HERC4: variants seen among roughly 807,000 people sequenced by gnomAD.
The protein encoded by HERC4 is HECT and RLD domain containing E3 ubiquitin protein ligase 4.
In HERC4, 28 loss-of-function variants were observed where a neutral mutation model predicts 124.3. The observed-to-expected ratio is 0.23, with a 90% CI of 0.17 to 0.31. The LOEUF (loss-of-function observed/expected upper bound fraction) is 0.31. Among genes scored for constraint, HERC4 ranks in the 10% least tolerant of loss-of-function variants. The pLI, the probability that HERC4 is intolerant of heterozygous loss-of-function variation, is 1.00. For synonymous variants in HERC4, 407 were observed against 421.5 expected, an observed-to-expected ratio of 0.97 and a Z score of 0.42; for missense variants, 713 against 1,229.3, an observed-to-expected ratio of 0.58 and a Z score of 6.28.
At chr10:67,992,348 A>G (rs954193537) in intron 10 of HERC4, 25 bp from the exon 11 acceptor site, 2 of 1,609,270 alleles carry the variant, frequency 1.2e-6, no homozygotes, top group African/African-American at 2.7e-5. Context: ...AAGATTAGTC[A>G]GAGGGAAGAG....
At chr10:67,962,896 C>T (rs1288927336) in intron 16 of HERC4, among the ~76,000 whole-genome samples, 1 of 152,174 alleles carries the variant, frequency 6.6e-6, no homozygotes, top group African/African-American at 2.4e-5. Context: ...ACAATAATCA[C>T]CATTTTATAA....
intron 3 of HERC4, among the ~76,000 whole-genome samples, chr10:68,059,905 T>TA (rs199788798): frequency 0.14 from 6,573 of 46,222 alleles, 1,887 homozygotes; most frequent in African/African-American, 0.42. Flanking sequence ...TTATATATTA[T>TA]ATAATATTAT....
At chr10:67,925,389 A>T (rs2131949295) in intron 23 of HERC4, among the ~76,000 whole-genome samples, 2 of 152,326 alleles carry the variant, frequency 1.3e-5, no homozygotes, top group Middle Eastern at 3.4e-3. Flanking sequence ...CTTTCCTAGC[A>T]CTTCAAAGAA....
At chr10:67,928,970 G>T (rs1331363833) in intron 23 of HERC4, among the ~76,000 whole-genome samples, 1 of 151,652 alleles carries the variant, frequency 6.6e-6, no homozygotes, top group Non-Finnish European at 1.5e-5. Flanking sequence ...TGGAGGCTTA[G>T]AATTCAATTT....
intron 14 of HERC4, 33 bp from the exon 15 acceptor site, chr10:67,988,868 G>C: frequency 6.5e-7 from 1 of 1,530,626 alleles, no homozygotes; most frequent in Non-Finnish European, 8.9e-7. Context: ...CAAATAAAAT[G>C]AATTTTTTAA....
At chr10:67,925,361 G>T (rs564778065) in intron 23 of HERC4, among the ~76,000 whole-genome samples, 174 bp from the exon 24 acceptor site, 6 of 152,098 alleles carry the variant, frequency 3.9e-5, no homozygotes, top group Non-Finnish European at 5.9e-5. Flanking sequence ...GAAGAAATAC[G>T]TAAGAATCAC....
At chr10:68,028,758 T>A (rs1283790525) in intron 7 of HERC4, among the ~76,000 whole-genome samples, 1 of 152,212 alleles carries the variant, frequency 6.6e-6, no homozygotes, top group Non-Finnish European at 1.5e-5. Context: ...TCCTATAGTT[T>A]TAGATCTATC....
intron 23 of HERC4, among the ~76,000 whole-genome samples, chr10:67,931,929 T>G (rs1282965004): frequency 1.3e-5 from 2 of 152,126 alleles, no homozygotes; most frequent in East Asian, 3.9e-4. Flanking sequence ...TCTGGCTAAT[T>G]TTTAAAATTA....
chr10:68,050,056 A>G (rs2040219064), intron 3 of HERC4, among the ~76,000 whole-genome samples: 1 of 152,024 alleles, frequency 6.6e-6, no homozygotes, highest in African/African-American at 2.4e-5. Flanking sequence ...ACAAAACATT[A>G]GCCATGCACA....
At chr10:68,034,923 A>G (rs1392584064) in intron 5 of HERC4, among the ~76,000 whole-genome samples, 7 of 151,692 alleles carry the variant, frequency 4.6e-5, no homozygotes, top group Admixed American at 1.3e-4. Flanking sequence ...TCCATTCCTC[A>G]CCATCTTAAC....
chr10:68,072,398 C>A (rs1399420209), intron 3 of HERC4, among the ~76,000 whole-genome samples: 1 of 151,926 alleles, frequency 6.6e-6, no homozygotes, highest in African/African-American at 2.4e-5. Flanking sequence ...CTAACTAAAT[C>A]AAATAAAATT....
chr10:67,926,060 G>A (rs2030894658), intron 23 of HERC4, among the ~76,000 whole-genome samples: 1 of 152,112 alleles, frequency 6.6e-6, no homozygotes, highest in Non-Finnish European at 1.5e-5. Context: ...AAGTTTTGGG[G>A]TAATTTGCTG....
chr10:68,043,384 G>C (rs565506155), intron 4 of HERC4, among the ~76,000 whole-genome samples: 3 of 152,256 alleles, frequency 2.0e-5, no homozygotes, highest in African/African-American at 7.2e-5. Context: ...GAACAAAAGA[G>C]TTTAAAGAGG....
chr10:67,929,818 C>A (rs2031579832), intron 23 of HERC4, among the ~76,000 whole-genome samples: 1 of 138,646 alleles, frequency 7.2e-6, no homozygotes, highest in African/African-American at 3.3e-5. Flanking sequence ...CCCAGCTGTG[C>A]ATTTTTTTTT....
At chr10:67,938,533 C>T (rs1424876023) in intron 21 of HERC4, among the ~76,000 whole-genome samples, 1 of 151,806 alleles carries the variant, frequency 6.6e-6, no homozygotes, top group Non-Finnish European at 1.5e-5. Context: ...TCAAATTGTT[C>T]CCTTCTGGAG....
chr10:68,040,959 T>A (rs1016853595), intron 4 of HERC4, among the ~76,000 whole-genome samples: 12 of 150,610 alleles, frequency 8.0e-5, no homozygotes, highest in African/African-American at 2.9e-4. Flanking sequence ...ATTAAAAAAA[T>A]ATATACACAC....
chr10:68,029,618 G>A (rs1440741521), intron 7 of HERC4, among the ~76,000 whole-genome samples: 2 of 150,812 alleles, frequency 1.3e-5, no homozygotes, highest in Non-Finnish European at 3.0e-5. Flanking sequence ...ATTATTTCTG[G>A]TGTAGTTGTG....
At chr10:68,038,754 T>C (rs776434596) in intron 4 of HERC4, among the ~76,000 whole-genome samples, 1 of 152,208 alleles carries the variant, frequency 6.6e-6, no homozygotes, top group Non-Finnish European at 1.5e-5. Context: ...CAATTCACAG[T>C]TATAACAATC....
chr10:68,059,193 A>G (rs2040704486), intron 3 of HERC4, among the ~76,000 whole-genome samples: 1 of 151,782 alleles, frequency 6.6e-6, no homozygotes, highest in African/African-American at 2.4e-5. Flanking sequence ...CTTTTTCCAT[A>G]TGAACTTGAG....
Sources: allele counts gnomAD v4.1 joint callset (sites outside exome capture counted in the v4.1 genomes callset), GRCh38; gene constraint gnomAD v4.1.1; transcripts MANE v1.5; gene names NCBI Gene and HGNC (gene_info 2026-07-23, HGNC 2026-07-21).